AURKB: variants seen among roughly 807,000 people sequenced by gnomAD.
AURKB encodes aurora kinase B.
A neutral mutation model predicts 36.5 loss-of-function variants in AURKB; 28 were observed. That is an observed-to-expected ratio of 0.77 (90% CI 0.57 to 1.05). The LOEUF (loss-of-function observed/expected upper bound fraction) is 1.05. AURKB is among the 50% of genes least tolerant of loss of function. AURKB has a pLI of 0.00. For missense variants in AURKB, 383 were observed against 447.4 expected, an observed-to-expected ratio of 0.86 and a Z score of 1.30; for synonymous variants, 175 against 172.9, an observed-to-expected ratio of 1.01 and a Z score of -0.09.
At chr17:8,210,272 C>T in intron 1 of AURKB, 23 bp from the exon 2 acceptor site, 1 of 1,493,382 alleles carries the variant, frequency 6.7e-7, no homozygotes, top group East Asian at 2.3e-5. Context: ...GGGAAACAGC[C>T]GTGAGAAGCA....
In AURKB at chr17:8,205,001, T is replaced by C. The variant is rs775624172; in HGVS notation, c.905A>G (p.Asp302Gly). The change falls in exon 9 of 9, where the codon GAC becomes GGC. Residue 302 changes from aspartate (D) to glycine (G), a missense_variant. Around this residue, in one of 3 missense-constraint regions of AURKB, gnomAD observed 219 missense variants for 252.6 expected, o/e 0.87. Coordinates refer to ENST00000585124, the MANE Select transcript of AURKB (RefSeq NM_004217.4). ...FPASVPMGAQ[D>G]LISKLLRHNP... Reference sequence around the variant, plus strand: ...ATGCCTGAGCAGTTTGGAGATGAGGTCCTGGGCTCCCATGGGCACGGAAGC... The same window carrying C: ...ATGCCTGAGCAGTTTGGAGATGAGGCCCTGGGCTCCCATGGGCACGGAAGC... The C allele has an allele frequency of 6.2e-7, 1 of 1,601,510 alleles. No individual in the cohort carries two copies. Among genetic ancestry groups the C allele is most frequent in the Admixed American group, 1.8e-5 (1 of 54,990 alleles).
Position 8,206,437 on chromosome 17 carries a change from G to A in AURKB, c.686+54C>T. ...TGAGCCACGGTGCACGGCCCCTGGA[G>A]AGGTTTTAATGGCCCAGCCTCACAC... On this transcript the variant is annotated intron_variant, in intron 7 of 8. Coordinates refer to ENST00000585124, the MANE Select transcript of AURKB (RefSeq NM_004217.4). The surrounding 1 kb of genome is among the most constrained non-coding windows in gnomAD (Gnocchi z 4.2). 1.2e-6 allele frequency: 2 copies of A among 1,608,548 alleles called. No homozygotes were observed. Among genetic ancestry groups the A allele is most frequent in the Non-Finnish European group, 1.7e-6 (2 of 1,177,480 alleles).
chr17:8,209,327 A>T (rs1985814090), intron 2 of AURKB, among the ~76,000 whole-genome samples: 1 of 152,010 alleles, frequency 6.6e-6, no homozygotes, highest in East Asian at 1.9e-4. Context: ...CAACTCTCAA[A>T]ATAATAGGTA....
rs979657164 is a variant in AURKB, at chr17:8,209,889, G to T, written c.48+288C>A. 8 of 513,424 alleles carry T rather than the reference G, an allele frequency of 1.6e-5. No homozygotes were observed. The Admixed American group carries it at 1.6e-4, about 10-fold the overall frequency. The allele number at this position is 513,424 out of a possible 1,614,324, so 31.8% of individuals were successfully genotyped here. A position where few individuals can be genotyped will look rare whatever the true frequency, so the allele number is the denominator to read the frequency against. On this transcript the variant is annotated intron_variant, in intron 2 of 8. Coordinates refer to ENST00000585124, the MANE Select transcript of AURKB (RefSeq NM_004217.4). ...ATGGATTGGGAATCATGGCCTGAAG[G>T]CCAGGCCCTGCCTGCTCAGTCCCAG...
chr17:8,209,863 T>A, intron 2 of AURKB: 1 of 440,980 alleles, frequency 2.3e-6, no homozygotes, highest in Admixed American at 4.2e-5. Flanking sequence ...TTTTTCAGGA[T>A]ATGGATTGGG....
Position 8,206,144 on chromosome 17 carries a change from T to G in AURKB, c.686+347A>C, listed in dbSNP as rs896591912. On this transcript the variant is annotated intron_variant, in intron 7 of 8. Coordinates refer to ENST00000585124, the MANE Select transcript of AURKB (RefSeq NM_004217.4). The surrounding 1 kb of genome is among the most constrained non-coding windows in gnomAD (Gnocchi z 4.2). ...ACACTCTAACCATTTTTTTTTTTTTTTTTTGAGACAGAGTCTCGATCTGTC... is the reference window on the plus strand; with the variant it reads ...ACACTCTAACCATTTTTTTTTTTTTGTTTTGAGACAGAGTCTCGATCTGTC... Among the ~76,000 whole-genome samples the G allele has an allele frequency of 8.5e-6, 1 of 117,986 alleles. No homozygotes were observed. Among genetic ancestry groups the G allele is most frequent in the African/African-American group, 2.6e-5 (1 of 37,856 alleles). The allele number at this position is 117,986 out of a possible 152,430, so 77.4% of individuals were successfully genotyped here. A position where few individuals can be genotyped will look rare whatever the true frequency, so the allele number is the denominator to read the frequency against.
At chr17:8,207,432 T>C in intron 4 of AURKB, 65 bp from the exon 5 acceptor site, 2 of 1,576,196 alleles carry the variant, frequency 1.3e-6, no homozygotes, top group Non-Finnish European at 1.7e-6. Flanking sequence ...TTGCTTTCTC[T>C]CTGCTTCCTC....
At position 8,206,346 on chromosome 17, in the gene AURKB, G is replaced by T. The variant is rs1017204263; in HGVS notation, c.686+145C>A. The T allele has an allele frequency of 8.2e-6, 8 of 975,076 alleles. No individual in the cohort carries two copies. In the African/African-American group the frequency reaches 1.3e-4, roughly 16 times the overall value. 60.4% of individuals were successfully genotyped at this position (975,076 alleles called of 1,614,324 possible). On this transcript the variant is annotated intron_variant, in intron 7 of 8. Transcript: ENST00000585124. This position sits in a 1 kb window ranked among gnomAD's most constrained non-coding sequence, Gnocchi z 4.2. ...AGGTTTCATCATGTTGGCAAATCTAGTCTCGAACTCCTGACCTCAGGTGAT... is the reference window on the plus strand; with the variant it reads ...AGGTTTCATCATGTTGGCAAATCTATTCTCGAACTCCTGACCTCAGGTGAT...
Position 8,207,558 on chromosome 17 carries a change from T to C in AURKB, c.206+13A>G. The C allele has an allele frequency of 6.2e-7, 1 of 1,612,472 alleles. No homozygotes were observed. Among genetic ancestry groups the C allele is most frequent in the Non-Finnish European group, 8.5e-7 (1 of 1,178,850 alleles). The stretch of plus-strand genomic sequence containing the variant: ...CCCTCACCCCCGTCCACCCCCAGGC[T>C]TGGGGCACTTACGTTAAGATGTCGG... On this transcript the variant is annotated intron_variant, in intron 4 of 8. Coordinates refer to ENST00000585124, the MANE Select transcript of AURKB (RefSeq NM_004217.4).
At position 8,206,350 on chromosome 17, in the gene AURKB, C is replaced by T. The variant is rs1373647058; in HGVS notation, c.686+141G>A. The T allele has an allele frequency of 1.1e-5, 11 of 1,015,546 alleles. No individual in the cohort carries two copies. Among genetic ancestry groups the T allele is most frequent in the South Asian group, 8.6e-5 (5 of 58,154 alleles). 62.9% of individuals were successfully genotyped at this position (1,015,546 alleles called of 1,614,324 possible). On this transcript the variant is annotated intron_variant, in intron 7 of 8. Transcript: ENST00000585124. This position sits in a 1 kb window ranked among gnomAD's most constrained non-coding sequence, Gnocchi z 4.2. Reference sequence around the variant, plus strand: ...TTCATCATGTTGGCAAATCTAGTCTCGAACTCCTGACCTCAGGTGATCCGC... The same window carrying T: ...TTCATCATGTTGGCAAATCTAGTCTTGAACTCCTGACCTCAGGTGATCCGC...
At position 8,205,213 on chromosome 17, in the gene AURKB, C is replaced by T. The variant is rs1424554122; in HGVS notation, c.861+3G>A. On this transcript the variant is annotated splice_donor_region_variant and intron_variant, in intron 8 of 8. Coordinates refer to ENST00000585124, the MANE Select transcript of AURKB (RefSeq NM_004217.4). Reference sequence around the variant, plus strand: ...TGGCACGAAGCCCAGGCCGCCCTCCCACCTTGACGATGCGGCGATAGGTCT... The same window carrying T: ...TGGCACGAAGCCCAGGCCGCCCTCCTACCTTGACGATGCGGCGATAGGTCT... 1 of 1,611,048 alleles carries T rather than the reference C, an allele frequency of 6.2e-7. No homozygotes were observed.
chr17:8,207,911 G>A (rs1985579562), intron 2 of AURKB, 71 bp from the exon 3 acceptor site: 2 of 1,285,654 alleles, frequency 1.6e-6, no homozygotes, highest in Non-Finnish European at 2.2e-6. Context: ...GCTGCAAGCA[G>A]TATTTCAGCC....
At chr17:8,210,289 AAGAG>A in intron 1 of AURKB, 40 bp from the exon 2 acceptor site, 2 of 1,429,860 alleles carry the variant, frequency 1.4e-6, no homozygotes, top group African/African-American at 1.4e-5. Flanking sequence ...AGCAGAGAAA[AAGAG>A]AGAGAGAGGG....
chr17:8,207,394 T>C (rs1180398411), intron 4 of AURKB, 27 bp from the exon 5 acceptor site: 2 of 1,607,224 alleles, frequency 1.2e-6, no homozygotes, highest in Non-Finnish European at 1.7e-6. Context: ...GGAAGGCAAC[T>C]CAGAACCGGT....
chr17:8,205,524 G>A (rs1181566867), intron 7 of AURKB, 134 bp from the exon 8 acceptor site: 5 of 1,104,850 alleles, frequency 4.5e-6, no homozygotes, highest in South Asian at 4.4e-5. Flanking sequence ...GGCCACTGGA[G>A]TGGGGGTGGG....
chr17:8,208,492 G>A (rs1985673107), intron 2 of AURKB, among the ~76,000 whole-genome samples: 1 of 151,482 alleles, frequency 6.6e-6, no homozygotes. Flanking sequence ...TCGGGAGGCT[G>A]AGGCAGGAGA....
chr17:8,207,722 C>T lies in AURKB; in HGVS notation c.151+16G>A, dbSNP rs773220923. 3 of 1,614,014 alleles carry T rather than the reference C, an allele frequency of 1.9e-6. No individual in the cohort carries two copies. The highest frequency in any genetic ancestry group is 1.7e-5 in the Admixed American group (1 of 60,012). ...TCATCTCCCCAGCTCAGTCCTCTCC[C>T]CCTTGCGCCAGTTACCTGTGGGCTG... On this transcript the variant is annotated intron_variant, in intron 3 of 8. Coordinates refer to ENST00000585124, the MANE Select transcript of AURKB (RefSeq NM_004217.4).
At chr17:8,205,078 G>C (rs199773518) in intron 8 of AURKB, 34 bp from the exon 9 acceptor site, 1 of 1,562,754 alleles carries the variant, frequency 6.4e-7, no homozygotes, top group African/African-American at 1.4e-5. Flanking sequence ...GGCTGCATTA[G>C]TTTCACCCTG....
rs1381128408 is a variant in AURKB, at chr17:8,205,405, G to A, written c.687-15C>T. 2 of 1,613,190 alleles carry A rather than the reference G, an allele frequency of 1.2e-6. No individual in the cohort carries two copies. Among genetic ancestry groups the A allele is most frequent in the South Asian group, 1.1e-5 (1 of 91,000 alleles). On this transcript the variant is annotated splice_polypyrimidine_tract_variant and intron_variant, in intron 7 of 8. Transcript: ENST00000585124. ...TTGTCTTCCTCCTGGGAGGGATAAG[G>A]GGCGTGGGCAGGGGTCCTAGTGACA...
Sources: gnomAD v4.1 joint callset for allele counts (sites outside exome capture counted in the v4.1 genomes callset) on GRCh38, gnomAD v4.1.1 for gene constraint, gnomAD v4.1.1 regional missense constraint, Gnocchi (gnomAD v3.1) non-coding constraint, MANE v1.5 for transcripts, NCBI Gene and HGNC (gene_info 2026-07-23, HGNC 2026-07-21) for gene names.